The following PFKFB3 variants were observed in gnomAD, a reference collection of about 807,000 sequenced individuals.
The protein encoded by PFKFB3 is 6-phosphofructo-2-kinase/fructose-2,6-bisphosphatase 3.
PFKFB3 carries 33 observed loss-of-function variants against 68.0 expected under a neutral mutation model. The ratio of observed to expected loss-of-function variants is 0.49; its 90% CI spans 0.37 to 0.65. PFKFB3 has a LOEUF of 0.65. Among genes scored for constraint, PFKFB3 ranks in the 30% least tolerant of loss-of-function variants. PFKFB3 has a pLI of 0.00. For missense variants in PFKFB3, 586 were observed against 712.2 expected (o/e 0.82, Z 2.02); for synonymous variants, 315 against 288.2 (o/e 1.09, Z -0.94).
intron 1 of PFKFB3, among the ~76,000 whole-genome samples, chr10:6,188,657 G>T (rs617100): frequency 0.084 from 12,648 of 151,170 alleles, 729 homozygotes; most frequent in Middle Eastern, 0.17. Context: ...TTCCCCCACC[G>T]CCTGCCCCTG....
At chr10:6,198,227 T>C (rs1336520201), upstream of PFKFB3, among the ~76,000 whole-genome samples, 1 of 129,260 alleles carries the variant, frequency 7.7e-6, no homozygotes, top group Non-Finnish European at 1.6e-5. Context: ...ACCAGGGTGA[T>C]AGCATGAGAC....
chr10:6,312,780 A>G, the PFKFB3 span, among the ~76,000 whole-genome samples: 3 of 152,226 alleles, frequency 2.0e-5, no homozygotes, highest in South Asian at 2.1e-4. Flanking sequence ...CTTCCAACAC[A>G]TGTCAACTTA....
chr10:6,312,478 T>G, the PFKFB3 span, among the ~76,000 whole-genome samples: 1 of 152,042 alleles, frequency 6.6e-6, no homozygotes, highest in Non-Finnish European at 1.5e-5. Context: ...CTGCCTGGGG[T>G]GCAGGCAATA....
intron 1 of PFKFB3, among the ~76,000 whole-genome samples, chr10:6,187,959 CTA>C (rs1255788866): frequency 1.5e-5 from 2 of 133,550 alleles, no homozygotes; most frequent in Admixed American, 8.6e-5. Context: ...TTCTATCTAT[CTA>C]TCTATCTATC....
At chr10:6,174,192 G>T (rs556723760) in intron 1 of PFKFB3, among the ~76,000 whole-genome samples, 2 of 152,098 alleles carry the variant, frequency 1.3e-5, no homozygotes, top group Admixed American at 1.3e-4. Context: ...AAAGTAACGG[G>T]CTTGGATCTC....
intron 1 of PFKFB3, among the ~76,000 whole-genome samples, chr10:6,150,116 G>A (rs751282353): frequency 8.5e-5 from 13 of 152,104 alleles, no homozygotes; most frequent in Non-Finnish European, 1.8e-4. Context: ...TATGCACATA[G>A]CACCTCTTGC....
chr10:6,197,852 C>T (rs11257200), intron 1 of PFKFB3: 1 of 152,022 alleles, frequency 6.6e-6, no homozygotes. Flanking sequence ...CTCTCACGAT[C>T]TAATATTTTA....
At chr10:6,227,047 CT>C (rs1206338612) in intron 14 of PFKFB3, among the ~76,000 whole-genome samples, 2 of 151,880 alleles carry the variant, frequency 1.3e-5, no homozygotes, top group East Asian at 1.9e-4. Context: ...GATGGTGCCA[CT>C]GCACTCCAGC....
rs779435896 is a variant in PFKFB3, at chr10:6,223,990, A to G, written c.1246A>G (p.Thr416Ala). The change falls in exon 12 of 15, where the codon ACC becomes GCC. Residue 416 changes from threonine (T) to alanine (A), a missense_variant. Physicochemically the swap from Thr to Ala is moderately conservative, Grantham distance 58. Transcript: ENST00000379775. Reference protein sequence around the residue: ...EMPYLKCPLHTVLKLTPVAYG... With the variant: ...EMPYLKCPLHAVLKLTPVAYG... ...GCCCTACCTGAAATGCCCTCTTCAC[A>G]CCGTCCTGAAACTGACGCCTGTCGC... The G allele has an allele frequency of 1.2e-6, 2 of 1,614,128 alleles. No individual in the cohort carries two copies. The highest frequency in any genetic ancestry group is 8.5e-7 in the Non-Finnish European group (1 of 1,180,000).
At chr10:6,231,735 A>AATT in intron 14 of PFKFB3, 5 of 283,354 alleles carry the variant, frequency 1.8e-5, no homozygotes, top group Non-Finnish European at 2.7e-5. Context: ...CCCAGTGGGC[A>AATT]CCCATCACTT....
chr10:6,281,166 C>CTCATATATATATATATATATATATATAT, the PFKFB3 span, among the ~76,000 whole-genome samples: 2,984 of 83,906 alleles, frequency 0.036, 944 homozygotes, highest in Non-Finnish European at 0.064. Flanking sequence ...AGTATTCCAT[C>CTCATATATATATATATATATATATATAT]ATATATATAT....
the PFKFB3 span, among the ~76,000 whole-genome samples, chr10:6,270,754 G>GT: frequency 2.0e-5 from 3 of 152,100 alleles, no homozygotes; most frequent in Non-Finnish European, 4.4e-5. Flanking sequence ...TGCCTCCTTT[G>GT]TAGGACACCC....
the PFKFB3 span, among the ~76,000 whole-genome samples, chr10:6,299,561 G>A: frequency 3.0e-4 from 45 of 152,292 alleles, no homozygotes; most frequent in South Asian, 1.9e-3. Flanking sequence ...GTTAGTTCCC[G>A]TCTGTTAAGA....
At chr10:6,214,846 T>C (rs538758425) in intron 2 of PFKFB3, among the ~76,000 whole-genome samples, 1 of 152,376 alleles carries the variant, frequency 6.6e-6, no homozygotes, top group East Asian at 1.9e-4. Context: ...ACTCGCTTTC[T>C]GATACCATTG....
chr10:6,165,131 C>T (rs140332254), intron 1 of PFKFB3, among the ~76,000 whole-genome samples: 1,651 of 152,248 alleles, frequency 0.011, 70 homozygotes, highest in East Asian at 0.1. Flanking sequence ...TGGACAATAC[C>T]CAGGCTTTCT....
intron 10 of PFKFB3, 26 bp downstream of exon 10, chr10:6,221,771 C>A: frequency 6.8e-7 from 1 of 1,475,896 alleles, no homozygotes; most frequent in Non-Finnish European, 9.3e-7. Flanking sequence ...GGCGGGCTGA[C>A]GGTCCCCAGC....
chr10:6,298,297 C>T, the PFKFB3 span, among the ~76,000 whole-genome samples: 6 of 151,982 alleles, frequency 3.9e-5, no homozygotes, highest in African/African-American at 1.5e-4. Context: ...GGCCAATGCC[C>T]GTGGAAACTG....
chr10:6,273,803 T>C, the PFKFB3 span, among the ~76,000 whole-genome samples: 1 of 152,160 alleles, frequency 6.6e-6, no homozygotes, highest in African/African-American at 2.4e-5. Context: ...GACAGCTGAC[T>C]ACAGGTCAAG....
chr10:6,219,498 C>A, intron 6 of PFKFB3, 71 bp from the exon 7 acceptor site: 1 of 1,587,786 alleles, frequency 6.3e-7, no homozygotes, highest in South Asian at 1.1e-5. Flanking sequence ...TTTGAAAGCC[C>A]CAAATCCTGC....
Sources: gnomAD v4.1 joint callset for allele counts (sites outside exome capture counted in the v4.1 genomes callset) on GRCh38, gnomAD v4.1.1 for gene constraint, MANE v1.5 for transcripts, NCBI Gene and HGNC (gene_info 2026-07-23, HGNC 2026-07-21) for gene names.